The following LINGO2 variants were observed in gnomAD, a reference collection of about 807,000 sequenced individuals.
LINGO2 encodes the protein leucine-rich repeat and immunoglobulin-like domain-containing nogo receptor-interacting protein 2.
Under a neutral mutation model 30.6 loss-of-function variants are expected in LINGO2, and 14 were observed. The observed-to-expected ratio is 0.46, with a 90% CI of 0.30 to 0.72. The LOEUF is 0.72. Among genes scored for constraint, LINGO2 ranks in the 30% least tolerant of loss-of-function variants. The pLI is 0.07. For synonymous variants in LINGO2, 317 were observed against 288.5 expected, an observed-to-expected ratio of 1.10 and a Z score of -1.00; for missense variants, 729 against 751.7, an observed-to-expected ratio of 0.97 and a Z score of 0.35.
At chr9:29,204,693 T>C in the LINGO2 span, among the ~76,000 whole-genome samples, 2 of 152,190 alleles carry the variant, frequency 1.3e-5, no homozygotes, top group Non-Finnish European at 2.9e-5. Context: ...TTCCAACATT[T>C]GTTTATCTAT....
At chr9:28,171,210 A>G (rs1366804054) in intron 4 of LINGO2, among the ~76,000 whole-genome samples, 1 of 152,214 alleles carries the variant, frequency 6.6e-6, no homozygotes, top group Admixed American at 6.5e-5. Flanking sequence ...GCAACATGAA[A>G]TTGGAAGGAG....
intron 4 of LINGO2, among the ~76,000 whole-genome samples, chr9:28,260,073 T>C (rs2134041591): frequency 6.6e-6 from 1 of 151,964 alleles, no homozygotes; most frequent in South Asian, 2.1e-4. Context: ...TGGGCTCATC[T>C]GTACTGAGAT....
At chr9:28,013,024 T>C (rs554294893) in intron 4 of LINGO2, among the ~76,000 whole-genome samples, 4 of 152,110 alleles carry the variant, frequency 2.6e-5, no homozygotes, top group South Asian at 4.1e-4. Flanking sequence ...TCCAGTAATA[T>C]TGATGTTGTT....
the LINGO2 span, among the ~76,000 whole-genome samples, chr9:28,830,905 C>A: frequency 1.3e-5 from 2 of 152,188 alleles, no homozygotes; most frequent in African/African-American, 4.8e-5. Flanking sequence ...CACACACAAA[C>A]ACACACACAG....
At chr9:28,126,796 A>G (rs1827247971) in intron 4 of LINGO2, among the ~76,000 whole-genome samples, 1 of 152,198 alleles carries the variant, frequency 6.6e-6, no homozygotes, top group Non-Finnish European at 1.5e-5. Flanking sequence ...ATTTGTTTAT[A>G]TGGTTAATAG....
chr9:28,879,957 A>T, the LINGO2 span, among the ~76,000 whole-genome samples: 1 of 152,218 alleles, frequency 6.6e-6, no homozygotes, highest in African/African-American at 2.4e-5. Context: ...TAGTCTTCCT[A>T]ATACTTATTT....
At chr9:28,414,806 G>T (rs1822905228) in intron 2 of LINGO2, among the ~76,000 whole-genome samples, 1 of 152,042 alleles carries the variant, frequency 6.6e-6, no homozygotes. Context: ...TACAGAAAGT[G>T]ATGGTTTTGT....
the LINGO2 span, among the ~76,000 whole-genome samples, chr9:29,091,377 A>T: frequency 1.3e-4 from 19 of 150,706 alleles, no homozygotes; most frequent in Non-Finnish European, 2.5e-4. Flanking sequence ...AAGAGGAAGA[A>T]TTCCATATGA....
the LINGO2 span, among the ~76,000 whole-genome samples, chr9:28,835,279 T>C: frequency 5.7e-4 from 87 of 152,350 alleles, no homozygotes; most frequent in African/African-American, 2.0e-3. Context: ...TAACATCTGG[T>C]ATGGGGACTT....
intron 3 of LINGO2, among the ~76,000 whole-genome samples, chr9:28,314,125 G>A (rs1357200796): frequency 2.6e-5 from 4 of 152,180 alleles, no homozygotes; most frequent in South Asian, 2.1e-4. Context: ...TACTAGAGAC[G>A]GGGTTTCACC....
the LINGO2 span, among the ~76,000 whole-genome samples, chr9:28,733,634 C>CA: frequency 2.6e-5 from 4 of 152,096 alleles, no homozygotes; most frequent in Non-Finnish European, 4.4e-5. Context: ...TTGTGAGTGT[C>CA]ACTAGGGTTG....
At chr9:29,115,271 AT>A in the LINGO2 span, among the ~76,000 whole-genome samples, 1 of 152,214 alleles carries the variant, frequency 6.6e-6, no homozygotes, top group Non-Finnish European at 1.5e-5. Flanking sequence ...CAAGTTAGAT[AT>A]TTTTATGTAT....
At chr9:28,136,750 G>C (rs553932579) in intron 4 of LINGO2, among the ~76,000 whole-genome samples, 7 of 152,198 alleles carry the variant, frequency 4.6e-5, no homozygotes, top group Admixed American at 2.6e-4. Context: ...AACTGGACTG[G>C]GCCATGGAGT....
intron 4 of LINGO2, among the ~76,000 whole-genome samples, chr9:28,087,987 T>C (rs1160670522): frequency 1.3e-5 from 2 of 152,036 alleles, no homozygotes; most frequent in Non-Finnish European, 2.9e-5. Context: ...CTGATAACCA[T>C]ACTATTCCTT....
the LINGO2 span, among the ~76,000 whole-genome samples, chr9:29,148,149 T>C: frequency 6.6e-6 from 1 of 152,106 alleles, no homozygotes; most frequent in Non-Finnish European, 1.5e-5. Flanking sequence ...ATTCTTTATA[T>C]GTTTCAATGT....
the LINGO2 span, among the ~76,000 whole-genome samples, chr9:29,026,474 G>A: frequency 6.6e-6 from 1 of 151,996 alleles, no homozygotes; most frequent in Non-Finnish European, 1.5e-5. Context: ...TACTATGTGT[G>A]TGCCTCATTT....
chr9:28,835,544 C>T, the LINGO2 span, among the ~76,000 whole-genome samples: 11 of 152,248 alleles, frequency 7.2e-5, no homozygotes, highest in Non-Finnish European at 1.2e-4. Context: ...TAAAGAGAGA[C>T]AAATAAATGC....
the LINGO2 span, among the ~76,000 whole-genome samples, chr9:29,124,263 A>G: frequency 6.6e-6 from 1 of 152,184 alleles, no homozygotes; most frequent in African/African-American, 2.4e-5. Flanking sequence ...AAATTAACTC[A>G]AGATGGATTA....
intron 4 of LINGO2, among the ~76,000 whole-genome samples, chr9:28,285,795 G>T (rs1382499855): frequency 6.6e-6 from 1 of 152,080 alleles, no homozygotes. Context: ...GGTCAATCAC[G>T]ACTTCTTATA....
Sources: allele counts gnomAD v4.1 joint callset (sites outside exome capture counted in the v4.1 genomes callset), GRCh38; gene constraint gnomAD v4.1.1; transcripts MANE v1.5; gene names NCBI Gene and HGNC (gene_info 2026-07-23, HGNC 2026-07-21).